The following COL26A1 variants were observed in gnomAD, a reference collection of about 807,000 sequenced individuals.
COL26A1 encodes collagen type XXVI alpha 1 chain, also known as collagen alpha-1(XXVI) chain.
Under a neutral mutation model 59.3 loss-of-function variants are expected in COL26A1, and 41 were observed. The observed-to-expected ratio is 0.69, with a 90% CI of 0.54 to 0.90. The LOEUF (loss-of-function observed/expected upper bound fraction) is 0.90. Among genes scored for constraint, COL26A1 ranks in the 40% least tolerant of loss-of-function variants. The pLI is 0.00. For missense variants in COL26A1, 612 were observed against 602.3 expected, an observed-to-expected ratio of 1.02 and a Z score of -0.17; for synonymous variants, 266 against 256.0, an observed-to-expected ratio of 1.04 and a Z score of -0.37.
chr7:101,444,450 T>G (rs953673086), intron 2 of COL26A1, among the ~76,000 whole-genome samples: 2 of 151,112 alleles, frequency 1.3e-5, no homozygotes, highest in Non-Finnish European at 3.0e-5. Context: ...AGTTTCACTC[T>G]TGTTGCCCAG....
chr7:101,475,799 T>C (rs1044832917), intron 3 of COL26A1, among the ~76,000 whole-genome samples: 7 of 124,672 alleles, frequency 5.6e-5, no homozygotes, highest in Non-Finnish European at 1.0e-4. Context: ...CTTCCTTCCT[T>C]CCTTCCTTCT....
chr7:101,421,891 C>T (rs554274876), intron 2 of COL26A1, among the ~76,000 whole-genome samples: 28 of 152,256 alleles, frequency 1.8e-4, no homozygotes, highest in African/African-American at 6.5e-4. Context: ...TTCCTATTTT[C>T]ATTCTTCTTT....
intron 2 of COL26A1, among the ~76,000 whole-genome samples, chr7:101,434,739 C>A (rs893766709): frequency 6.6e-6 from 1 of 152,144 alleles, no homozygotes; most frequent in Non-Finnish European, 1.5e-5. Flanking sequence ...CTGCCTGCTC[C>A]GGTTGGGTGT....
chr7:101,534,549 C>T, intron 4 of COL26A1, among the ~76,000 whole-genome samples: 1 of 152,078 alleles, frequency 6.6e-6, no homozygotes, highest in Non-Finnish European at 1.5e-5. Context: ...TGCACACACA[C>T]AAAAACAGGG....
Position 101,533,151 on chromosome 7 carries a change from G to C in COL26A1, c.447+8G>C, listed in dbSNP as rs373698404. On this transcript the variant is annotated splice_region_variant and intron_variant, in intron 4 of 12. Coordinates refer to ENST00000313669, the MANE Select transcript of COL26A1 (RefSeq NM_001278563.3). ...ACCACACTGGAGGCCAAGGTCAGTC[G>C]GGCTGGGGAGTCTGGGCCTGGGGAG... 5 of 1,595,290 alleles carry C rather than the reference G, an allele frequency of 3.1e-6. No homozygotes were observed. Among genetic ancestry groups the C allele is most frequent in the Non-Finnish European group, 4.3e-6 (5 of 1,172,522 alleles).
chr7:101,537,816 TC>T (rs1028127891), intron 4 of COL26A1, among the ~76,000 whole-genome samples: 2 of 151,802 alleles, frequency 1.3e-5, no homozygotes, highest in Non-Finnish European at 2.9e-5. Flanking sequence ...CACCCTAGCC[TC>T]CCCACACCAT....
chr7:101,538,607 A>G (rs1156235427), intron 4 of COL26A1, among the ~76,000 whole-genome samples: 1 of 152,100 alleles, frequency 6.6e-6, no homozygotes, highest in Non-Finnish European at 1.5e-5. Flanking sequence ...CATCCAGGCC[A>G]TCGGAGGACT....
intron 2 of COL26A1, among the ~76,000 whole-genome samples, chr7:101,428,297 G>A (rs1042609671): frequency 6.6e-6 from 1 of 150,712 alleles, no homozygotes. Flanking sequence ...GTTTGAGGCT[G>A]CAGTGAGCTA....
chr7:101,485,171 C>G lies in COL26A1; in HGVS notation c.385+37384C>G, dbSNP rs567941673. ...CCGGCCTCACATCATATATTTCTACCGGGGGAGAGAAAGAGTCAGAAAAAA... is the reference window on the plus strand; with the variant it reads ...CCGGCCTCACATCATATATTTCTACGGGGGGAGAGAAAGAGTCAGAAAAAA... On this transcript the variant is annotated intron_variant, in intron 3 of 12. Transcript: ENST00000313669. Among the ~76,000 whole-genome samples, 5 of 152,116 alleles carry G rather than the reference C, an allele frequency of 3.3e-5. No homozygotes were observed. The South Asian group carries it at 1.0e-3, about 32-fold the overall frequency.
chr7:101,389,877 G>C (rs1791685770), intron 1 of COL26A1, among the ~76,000 whole-genome samples: 1 of 151,998 alleles, frequency 6.6e-6, no homozygotes, highest in Admixed American at 6.6e-5. Context: ...AGTAGAGATG[G>C]GGTTTCACCG....
intron 2 of COL26A1, among the ~76,000 whole-genome samples, chr7:101,430,809 A>C (rs80031964): frequency 6.6e-6 from 1 of 151,026 alleles, no homozygotes; most frequent in Non-Finnish European, 1.5e-5. Context: ...ATTTTATTTT[A>C]TTTGAGACGG....
intron 2 of COL26A1, among the ~76,000 whole-genome samples, chr7:101,428,100 C>CT (rs1792689939): frequency 6.6e-6 from 1 of 152,110 alleles, no homozygotes; most frequent in Non-Finnish European, 1.5e-5. Context: ...GTTCCCCAGG[C>CT]TTTTTTGGGA....
chr7:101,465,030 C>T (rs1169883249), intron 3 of COL26A1, among the ~76,000 whole-genome samples: 1 of 139,340 alleles, frequency 7.2e-6, no homozygotes, highest in Non-Finnish European at 1.6e-5. Flanking sequence ...CTAATTCTTT[C>T]TTTCTTTTTT....
At chr7:101,449,184 G>GT (rs1793271044) in intron 3 of COL26A1, among the ~76,000 whole-genome samples, 1 of 152,200 alleles carries the variant, frequency 6.6e-6, no homozygotes, top group Non-Finnish European at 1.5e-5. Context: ...AGGTGAAGGG[G>GT]TGAGGGGATG....
chr7:101,457,294 T>A (rs1481858384), intron 3 of COL26A1, among the ~76,000 whole-genome samples: 1 of 152,226 alleles, frequency 6.6e-6, no homozygotes, highest in East Asian at 1.9e-4. Flanking sequence ...TCTACCATAG[T>A]TATCTATAGG....
chr7:101,446,594 C>T (rs549347365), intron 2 of COL26A1, among the ~76,000 whole-genome samples: 6 of 152,292 alleles, frequency 3.9e-5, no homozygotes, highest in East Asian at 3.9e-4. Context: ...CTCCTGTAAT[C>T]GCAGCACTTT....
chr7:101,404,320 T>C (rs1428955925), intron 1 of COL26A1, among the ~76,000 whole-genome samples: 1 of 152,144 alleles, frequency 6.6e-6, no homozygotes, highest in African/African-American at 2.4e-5. Context: ...AGTAGGGTTT[T>C]TACAACGCAT....
At chr7:101,546,637 A>T (rs17135614) in intron 7 of COL26A1, among the ~76,000 whole-genome samples, 29,138 of 152,014 alleles carry the variant, frequency 0.19, 3,122 homozygotes, top group African/African-American at 0.29. Context: ...CTGGTTCAGG[A>T]TTGGCCAGGG....
chr7:101,502,112 G>A (rs968911862), intron 3 of COL26A1, among the ~76,000 whole-genome samples: 1 of 152,206 alleles, frequency 6.6e-6, no homozygotes, highest in South Asian at 2.1e-4. Flanking sequence ...CACTTTGGGA[G>A]GCTGGGGCAG....
Sources: allele counts gnomAD v4.1 joint callset (sites outside exome capture counted in the v4.1 genomes callset), GRCh38; gene constraint gnomAD v4.1.1; transcripts MANE v1.5; gene names NCBI Gene and HGNC (gene_info 2026-07-23, HGNC 2026-07-21).